MRPL1: variants seen among roughly 807,000 people sequenced by gnomAD.
MRPL1 encodes mitochondrial ribosomal protein L1.
A neutral mutation model predicts 38.0 loss-of-function variants in MRPL1; 28 were observed. The observed-to-expected ratio is 0.74, with a 90% CI of 0.55 to 1.01. The LOEUF is 1.01. Ranked by LOEUF, MRPL1 falls within the 50% of genes least tolerant of loss-of-function variation. MRPL1 has a pLI of 0.00. For missense variants in MRPL1, 358 were observed against 389.8 expected (o/e 0.92, Z 0.69); for synonymous variants, 123 against 126.7 (o/e 0.97, Z 0.20).
intron 2 of MRPL1, among the ~76,000 whole-genome samples, 187 bp from the exon 3 acceptor site, chr4:77,883,055 T>A (rs1470141887): frequency 1.3e-5 from 2 of 152,228 alleles, no homozygotes; most frequent in East Asian, 3.8e-4. Flanking sequence ...AACTTATTCA[T>A]GACTTCAGAC....
At chr4:77,887,887 T>G (rs1275611673) in intron 5 of MRPL1, among the ~76,000 whole-genome samples, 2 of 152,170 alleles carry the variant, frequency 1.3e-5, no homozygotes, top group African/African-American at 4.8e-5. Flanking sequence ...TATTTTTCGC[T>G]TCTTTTTTGT....
chr4:77,916,135 G>A (rs951622711), intron 7 of MRPL1, among the ~76,000 whole-genome samples: 2 of 151,972 alleles, frequency 1.3e-5, no homozygotes, highest in African/African-American at 4.8e-5. Flanking sequence ...ATATGTACCT[G>A]GCCAATGTTT....
intron 2 of MRPL1, among the ~76,000 whole-genome samples, chr4:77,873,001 C>T (rs955027724): frequency 2.6e-5 from 4 of 152,178 alleles, no homozygotes; most frequent in African/African-American, 9.7e-5. Context: ...CCACTACACT[C>T]TAGCCTGGGC....
Position 77,949,838 on chromosome 4 carries a change from A to C in MRPL1, c.819A>C (p.Ala273=). 1 of 1,611,736 alleles carries C rather than the reference A, an allele frequency of 6.2e-7. No individual in the cohort carries two copies. Among genetic ancestry groups the C allele is most frequent in the Non-Finnish European group, 8.5e-7 (1 of 1,178,810 alleles). Reference sequence around the variant, plus strand: ...ACCAGATAGCTGCCAATCTGCAAGCAGTTATTAATGAAGTTTGTAGGCACA... The same window carrying C: ...ACCAGATAGCTGCCAATCTGCAAGCCGTTATTAATGAAGTTTGTAGGCACA... ...SSDQIAANLQ[A]VINEVCRHRP... The change falls in exon 8 of 9, where the codon GCA becomes GCC. Residue 273 remains alanine, a synonymous_variant. Transcript: ENST00000315567.
At chr4:77,909,405 C>T (rs1736236494) in intron 7 of MRPL1, 33 bp downstream of exon 7, 1 of 1,287,842 alleles carries the variant, frequency 7.8e-7, no homozygotes, top group Non-Finnish European at 1.1e-6. Context: ...AAATAATCCT[C>T]TTTTTTTGTT....
At chr4:77,867,991 C>T (rs1416610326) in intron 1 of MRPL1, among the ~76,000 whole-genome samples, 8 of 151,766 alleles carry the variant, frequency 5.3e-5, no homozygotes, top group African/African-American at 1.4e-4. Context: ...CTCCTGACCT[C>T]GTGATCCGCC....
In MRPL1 at chr4:77,908,785, T is replaced by C. The variant is rs1239673987; in HGVS notation, c.671-481T>C. Among the ~76,000 whole-genome samples the C allele has an allele frequency of 2.6e-5, 4 of 152,214 alleles. No individual in the cohort carries two copies. The South Asian group carries it at 6.2e-4, about 24-fold the overall frequency. On this transcript the variant is annotated intron_variant, in intron 6 of 8. Coordinates refer to ENST00000315567, the MANE Select transcript of MRPL1 (RefSeq NM_020236.4). Reference sequence around the variant, plus strand: ...TCTCACAAAGCTCCACTCAAGGTATTGGCCAGAGAGGTGGTTTCATCTTAG... The same window carrying C: ...TCTCACAAAGCTCCACTCAAGGTATCGGCCAGAGAGGTGGTTTCATCTTAG...
intron 6 of MRPL1, among the ~76,000 whole-genome samples, chr4:77,898,718 T>G (rs776338797): frequency 2.0e-4 from 31 of 152,178 alleles, no homozygotes; most frequent in South Asian, 4.2e-4. Context: ...GGTCTCAAAC[T>G]CCTGACCTCA....
chr4:77,906,940 A>T (rs749452895), intron 6 of MRPL1: 7 of 983,850 alleles, frequency 7.1e-6, no homozygotes, highest in Non-Finnish European at 8.4e-6. Flanking sequence ...ATTATCTCCC[A>T]ATTAGATTTT....
chr4:77,947,654 G>C (rs930072347), intron 7 of MRPL1, among the ~76,000 whole-genome samples: 7 of 152,168 alleles, frequency 4.6e-5, no homozygotes, highest in African/African-American at 1.4e-4. Context: ...GTTCTCTCTA[G>C]AACATTGTCA....
chr4:77,914,559 T>C (rs1270175597), intron 7 of MRPL1, among the ~76,000 whole-genome samples: 1 of 152,208 alleles, frequency 6.6e-6, no homozygotes, highest in African/African-American at 2.4e-5. Context: ...AACTGTACCA[T>C]TGTATTATGC....
chr4:77,926,079 A>T (rs1480622862), intron 7 of MRPL1, among the ~76,000 whole-genome samples: 1 of 152,232 alleles, frequency 6.6e-6, no homozygotes, highest in East Asian at 1.9e-4. Flanking sequence ...TCTTTAAAAG[A>T]CTTAAAATGG....
At chr4:77,898,514 C>T (rs1221145790) in intron 6 of MRPL1, among the ~76,000 whole-genome samples, 4 of 150,150 alleles carry the variant, frequency 2.7e-5, no homozygotes, top group South Asian at 2.1e-4. Flanking sequence ...TTTTTTGAGA[C>T]GGAGTTTTGC....
At chr4:77,932,084 G>A (rs1736857393) in intron 7 of MRPL1, among the ~76,000 whole-genome samples, 1 of 152,126 alleles carries the variant, frequency 6.6e-6, no homozygotes, top group African/African-American at 2.4e-5. Flanking sequence ...TACAGAATGG[G>A]ACACAAAACT....
chr4:77,871,718 A>T (rs1735285008), intron 1 of MRPL1, 26 bp from the exon 2 acceptor site: 2 of 1,065,818 alleles, frequency 1.9e-6, no homozygotes, highest in African/African-American at 3.3e-5. Context: ...TTTAATGTTA[A>T]TATTTTACAT....
At chr4:77,888,089 G>A (rs544660196) in intron 5 of MRPL1, among the ~76,000 whole-genome samples, 1 of 152,136 alleles carries the variant, frequency 6.6e-6, no homozygotes, top group Non-Finnish European at 1.5e-5. Context: ...TATAAAGTAT[G>A]GTATCTGCCC....
chr4:77,916,548 A>T (rs997601689), intron 7 of MRPL1, among the ~76,000 whole-genome samples: 3 of 152,196 alleles, frequency 2.0e-5, no homozygotes, highest in African/African-American at 7.2e-5. Context: ...TATAAAATTC[A>T]TTTAATTATA....
intron 5 of MRPL1, among the ~76,000 whole-genome samples, chr4:77,888,931 C>T (rs1383528355): frequency 6.6e-6 from 1 of 152,124 alleles, no homozygotes; most frequent in African/African-American, 2.4e-5. Context: ...GAAGAGCTAA[C>T]TATCCTAAAT....
chr4:77,944,482 T>C (rs1737208193), intron 7 of MRPL1, among the ~76,000 whole-genome samples: 1 of 152,214 alleles, frequency 6.6e-6, no homozygotes, highest in Admixed American at 6.5e-5. Context: ...CAATTACTTC[T>C]TCCTCTGTGC....
Sources: gnomAD v4.1 joint callset for allele counts (sites outside exome capture counted in the v4.1 genomes callset) on GRCh38, gnomAD v4.1.1 for gene constraint, MANE v1.5 for transcripts, NCBI Gene and HGNC (gene_info 2026-07-23, HGNC 2026-07-21) for gene names.